Variants in LHFPL3 observed in about 807,000 individuals in gnomAD.
LHFPL3 encodes LHFPL tetraspan subfamily member 3 protein.
In LHFPL3, 5 loss-of-function variants were observed where a neutral mutation model predicts 19.3. The ratio of observed to expected loss-of-function variants is 0.26; its 90% CI spans 0.14 to 0.54. The LOEUF (loss-of-function observed/expected upper bound fraction) is 0.54, where lower values mean the gene tolerates loss of function less well. Among genes scored for constraint, LHFPL3 ranks in the 20% least tolerant of loss-of-function variants. LHFPL3 has a pLI of 0.94. For missense variants in LHFPL3, 249 were observed against 307.4 expected (o/e 0.81, Z 1.42); for synonymous variants, 133 against 126.2 (o/e 1.05, Z -0.36).
At chr7:104,722,769 G>A (rs1220932704) in intron 1 of LHFPL3, among the ~76,000 whole-genome samples, 1 of 152,098 alleles carries the variant, frequency 6.6e-6, no homozygotes. Flanking sequence ...TTCAACTACT[G>A]TATGCCTGAA....
At chr7:104,707,181 C>T (rs896220571) in intron 1 of LHFPL3, among the ~76,000 whole-genome samples, 6 of 152,190 alleles carry the variant, frequency 3.9e-5, no homozygotes, top group African/African-American at 9.7e-5. Context: ...TAGATTCATG[C>T]TCCATTAGGC....
chr7:104,752,850 C>A (rs1302675314), intron 2 of LHFPL3: 2 of 377,720 alleles, frequency 5.3e-6, no homozygotes, highest in Non-Finnish European at 9.4e-6. Flanking sequence ...CAAAACTGAG[C>A]AAAGTAAAGA....
intron 1 of LHFPL3, among the ~76,000 whole-genome samples, chr7:104,457,943 C>T (rs1372598261): frequency 5.6e-5 from 8 of 142,836 alleles, no homozygotes; most frequent in South Asian, 4.6e-4. Flanking sequence ...ATATCCTTCA[C>T]CCACTTTTTG....
chr7:104,370,320 A>G (rs1453326783), intron 1 of LHFPL3, among the ~76,000 whole-genome samples: 1 of 152,152 alleles, frequency 6.6e-6, no homozygotes, highest in East Asian at 1.9e-4. Flanking sequence ...CACCGACTGG[A>G]TAAGGAAGAG....
chr7:104,507,811 C>G, intron 1 of LHFPL3, among the ~76,000 whole-genome samples: 2 of 123,994 alleles, frequency 1.6e-5, no homozygotes, highest in African/African-American at 6.1e-5. Flanking sequence ...CATGAACAGA[C>G]ACTTCTCAAA....
chr7:104,329,271 C>T (rs752662693), intron 1 of LHFPL3, 47 bp downstream of exon 1: 7 of 1,542,584 alleles, frequency 4.5e-6, no homozygotes, highest in Admixed American at 1.9e-5. Context: ...CCGGGGCGCC[C>T]GAGCCGGGGA....
intron 1 of LHFPL3, among the ~76,000 whole-genome samples, chr7:104,730,986 C>T (rs1030206254): frequency 9.2e-5 from 14 of 152,132 alleles, no homozygotes; most frequent in African/African-American, 2.7e-4. Flanking sequence ...TTCCCAGCAC[C>T]GTTTATTAAA....
At chr7:104,806,703 A>C (rs1267802151) in intron 2 of LHFPL3, among the ~76,000 whole-genome samples, 1 of 152,216 alleles carries the variant, frequency 6.6e-6, no homozygotes, top group Non-Finnish European at 1.5e-5. Context: ...AGTGCAAGGA[A>C]ATCCTTTGCC....
intron 1 of LHFPL3, among the ~76,000 whole-genome samples, chr7:104,514,763 T>A (rs1793888998): frequency 6.6e-6 from 1 of 152,186 alleles, no homozygotes; most frequent in African/African-American, 2.4e-5. Flanking sequence ...TTAACTGGTT[T>A]GAGGTGAGAT....
At chr7:104,452,908 T>C (rs1209316792) in intron 1 of LHFPL3, among the ~76,000 whole-genome samples, 2 of 152,200 alleles carry the variant, frequency 1.3e-5, no homozygotes, top group Admixed American at 6.5e-5. Context: ...ACAGTACAGA[T>C]GATTACATTG....
intron 1 of LHFPL3, among the ~76,000 whole-genome samples, chr7:104,437,254 G>T (rs773985098): frequency 1.3e-5 from 2 of 152,144 alleles, no homozygotes; most frequent in African/African-American, 4.8e-5. Flanking sequence ...AACTATTGTG[G>T]AGATTCTACC....
chr7:104,833,002 A>ATATATATATATTATATGTAATAGATATAT (rs1790988590), intron 2 of LHFPL3, among the ~76,000 whole-genome samples: 1 of 44,138 alleles, frequency 2.3e-5, no homozygotes, highest in Non-Finnish European at 4.2e-5. Flanking sequence ...CATATATATT[A>ATATATATATATTATATGTAATAGATATAT]TATATATATA....
chr7:104,498,111 C>A (rs1258023759), intron 1 of LHFPL3, among the ~76,000 whole-genome samples: 2 of 152,210 alleles, frequency 1.3e-5, no homozygotes, highest in East Asian at 3.8e-4. Context: ...GTTTCTTAAA[C>A]TCTTACATAA....
chr7:104,674,055 C>T (rs1053409072), intron 1 of LHFPL3, among the ~76,000 whole-genome samples: 9 of 150,794 alleles, frequency 6.0e-5, no homozygotes, highest in Non-Finnish European at 1.2e-4. Context: ...AGCTGAGAGG[C>T]AGGCAAGCCC....
chr7:104,597,408 C>A (rs901895484), intron 1 of LHFPL3, among the ~76,000 whole-genome samples: 3 of 152,154 alleles, frequency 2.0e-5, no homozygotes, highest in Non-Finnish European at 4.4e-5. Flanking sequence ...CTAGAAGATG[C>A]ATCTTTAAAC....
chr7:104,435,834 G>A (rs938203872), intron 1 of LHFPL3, among the ~76,000 whole-genome samples: 7 of 151,806 alleles, frequency 4.6e-5, no homozygotes, highest in African/African-American at 1.2e-4. Flanking sequence ...CCTTTGACCT[G>A]TGCTTTAATC....
chr7:104,601,540 G>C (rs1454977646), intron 1 of LHFPL3, among the ~76,000 whole-genome samples: 1 of 152,162 alleles, frequency 6.6e-6, no homozygotes, highest in Non-Finnish European at 1.5e-5. Context: ...GGGGAGAGGG[G>C]TTGCTAGATA....
chr7:104,494,657 G>GCCTGC (rs1459929668), intron 1 of LHFPL3, among the ~76,000 whole-genome samples: 1 of 152,100 alleles, frequency 6.6e-6, no homozygotes, highest in Non-Finnish European at 1.5e-5. Flanking sequence ...GTCAAATCAA[G>GCCTGC]CCTGCTGACC....
chr7:104,418,273 AC>A, intron 1 of LHFPL3, among the ~76,000 whole-genome samples: 1 of 152,224 alleles, frequency 6.6e-6, no homozygotes, highest in Non-Finnish European at 1.5e-5. Flanking sequence ...AAGAGACTGC[AC>A]CAGGCACAAT....
Sources: gnomAD v4.1 joint callset for allele counts (sites outside exome capture counted in the v4.1 genomes callset) on GRCh38, gnomAD v4.1.1 for gene constraint, MANE v1.5 for transcripts, NCBI Gene and HGNC (gene_info 2026-07-23, HGNC 2026-07-21) for gene names.